Variants in TRAF1 observed in about 807,000 individuals in gnomAD.
TRAF1 encodes TNF receptor-associated factor 1.
TRAF1 carries 23 observed loss-of-function variants against 40.9 expected under a neutral mutation model. The ratio of observed to expected loss-of-function variants is 0.56; its 90% CI spans 0.40 to 0.80. The LOEUF is 0.80. Ranked by LOEUF, TRAF1 falls within the 30% of genes least tolerant of loss-of-function variation. The pLI is 0.00. For missense variants in TRAF1, 477 were observed against 528.7 expected, an observed-to-expected ratio of 0.90 and a Z score of 0.96; for synonymous variants, 206 against 218.8, an observed-to-expected ratio of 0.94 and a Z score of 0.52.
chr9:120,920,045 G>A (rs2046594772), intron 3 of TRAF1, among the ~76,000 whole-genome samples: 1 of 152,170 alleles, frequency 6.6e-6, no homozygotes, highest in Admixed American at 6.5e-5. Context: ...CACAGGATCG[G>A]GGCGATTACA....
chr9:120,915,780 G>C (rs909012567), intron 3 of TRAF1, among the ~76,000 whole-genome samples: 1 of 152,064 alleles, frequency 6.6e-6, no homozygotes, highest in Non-Finnish European at 1.5e-5. Context: ...GCTGCACTGA[G>C]CTATGATCAC....
Position 120,926,125 on chromosome 9 carries a change from G to C in TRAF1, c.-50C>G. The C allele has an allele frequency of 6.7e-7, 1 of 1,495,512 alleles. No homozygotes were observed. Among genetic ancestry groups the C allele is most frequent in the Non-Finnish European group, 8.9e-7 (1 of 1,124,540 alleles). 92.6% of individuals were successfully genotyped at this position (1,495,512 alleles called of 1,614,324 possible). A position where few individuals can be genotyped will look rare whatever the true frequency, so the allele number is the denominator to read the frequency against. On this transcript the variant is annotated 5_prime_UTR_variant, in exon 2 of 8. Transcript: ENST00000373887. ...GGCCTGTTTAAGTTGCTCCAGGGCA[G>C]GGGACCAGCCTTGTGGAGTCCTGGC...
chr9:120,920,602 C>T (rs146191407), intron 3 of TRAF1, among the ~76,000 whole-genome samples: 8 of 152,312 alleles, frequency 5.3e-5, no homozygotes, highest in South Asian at 4.1e-4. Flanking sequence ...CCCTGGCATC[C>T]CCTCCTTCAC....
In TRAF1 at chr9:120,925,883, G is replaced by T. The variant is rs1204834929; in HGVS notation, c.140+53C>A. 7.5e-6 allele frequency: 12 copies of T among 1,610,416 alleles called. No homozygotes were observed. The African/African-American group carries it at 1.1e-4, about 14-fold the overall frequency. On this transcript the variant is annotated intron_variant, in intron 2 of 7. Coordinates refer to ENST00000373887, the MANE Select transcript of TRAF1 (RefSeq NM_005658.5). ...CTCTGCCCCTCACCTCCCATCAGGG[G>T]TCCCTCCCTGGCACCCACTTTCTGC... is the stretch of plus-strand genomic sequence containing the variant.
In TRAF1 at chr9:120,913,506, A is replaced by G; in HGVS notation, c.527T>C (p.Leu176Pro). 6.2e-7 allele frequency: 1 copy of G among 1,613,998 alleles called. No individual in the cohort carries two copies. Among genetic ancestry groups the G allele is most frequent in the Non-Finnish European group, 8.5e-7 (1 of 1,179,996 alleles). ...RAPCSESQEELALQHFMKEKL... is the reference protein window; with the variant it reads ...RAPCSESQEEPALQHFMKEKL... ...CTCCTTCATGAAGTGCTGCAGGGCC[A>G]GCTCCTCCTGGCTCTCGGAGCAGGG... Residue 176 changes from leucine (L) to proline (P), a missense_variant, in exon 5 of 8, where the codon CTG (leucine) becomes CCG (proline). Coordinates refer to ENST00000373887, the MANE Select transcript of TRAF1 (RefSeq NM_005658.5).
At position 120,904,142 on chromosome 9, in the gene TRAF1, T is replaced by G. The variant is rs2046461256; in HGVS notation, c.*878A>C. 2.0e-5 allele frequency: 3 copies of G among 152,210 alleles called. No homozygotes were observed. Among genetic ancestry groups the G allele is most frequent in the African/African-American group, 7.2e-5 (3 of 41,436 alleles). 9.4% of individuals were successfully genotyped at this position (152,210 alleles called of 1,614,324 possible). On this transcript the variant is annotated 3_prime_UTR_variant, in exon 8 of 8. Transcript: ENST00000373887. ...GGAAAGTTTATGCCCCTCTTCTTCT[T>G]GAGGTGCCTCTGGCTGCACCTGGGA...
intron 3 of TRAF1, among the ~76,000 whole-genome samples, chr9:120,916,979 G>A (rs540782118): frequency 2.4e-4 from 37 of 152,252 alleles, no homozygotes; most frequent in African/African-American, 8.9e-4. Context: ...TGGTTCTAAG[G>A]GTCAAAGCTT....
At chr9:120,908,565 C>T (rs2046500782) in intron 7 of TRAF1, among the ~76,000 whole-genome samples, 1 of 149,790 alleles carries the variant, frequency 6.7e-6, no homozygotes, top group African/African-American at 2.4e-5. Flanking sequence ...TTCCCACATT[C>T]TTTTTTTTTT....
At chr9:120,925,826 G>A (rs1364132992) in intron 2 of TRAF1, 110 bp downstream of exon 2, 9 of 1,496,220 alleles carry the variant, frequency 6.0e-6, no homozygotes, top group South Asian at 1.2e-5. Flanking sequence ...GAGGCCCAGA[G>A]AAGAAAAGTC....
chr9:120,919,677 G>GCCGGTTTA (rs1254584261), intron 3 of TRAF1, among the ~76,000 whole-genome samples: 2 of 152,126 alleles, frequency 1.3e-5, no homozygotes, highest in African/African-American at 4.8e-5. Context: ...CTGTAACTGG[G>GCCGGTTTA]CCGGTTTACT....
intron 6 of TRAF1, among the ~76,000 whole-genome samples, chr9:120,910,814 C>T (rs1400962784): frequency 3.9e-5 from 6 of 152,206 alleles, no homozygotes; most frequent in Non-Finnish European, 8.8e-5. Context: ...GCCCAGGGGC[C>T]CCAGAAATGA....
chr9:120,905,065 C>A lies in TRAF1; in HGVS notation c.1206G>T (p.Lys402Asn). 1 of 1,614,244 alleles carries A rather than the reference C, an allele frequency of 6.2e-7. No individual in the cohort carries two copies. Among genetic ancestry groups the A allele is most frequent in the Non-Finnish European group, 8.5e-7 (1 of 1,180,046 alleles). The change falls in exon 8 of 8, where the codon AAG (lysine) becomes AAT (asparagine). Residue 402 changes from lysine (K) to asparagine (N), a missense_variant. Transcript: ENST00000373887. ...TGCACTTGAGGAACATTGTGTCGTCCTTCACGTAGGCGTGCTTGGGTGACT... is the reference window on the plus strand; with the variant it reads ...TGCACTTGAGGAACATTGTGTCGTCATTCACGTAGGCGTGCTTGGGTGACT... ...KLQSPKHAYVKDDTMFLKCIV... is the reference protein window; with the variant it reads ...KLQSPKHAYVNDDTMFLKCIV...
intron 6 of TRAF1, among the ~76,000 whole-genome samples, chr9:120,910,795 T>C (rs920818747): frequency 6.6e-6 from 1 of 152,230 alleles, no homozygotes; most frequent in Non-Finnish European, 1.5e-5. Context: ...ATGCAAGACA[T>C]TGTGCCAAGC....
At chr9:120,928,190 G>T (rs1255381108), upstream of TRAF1, 1 of 152,174 alleles carries the variant, frequency 6.6e-6, no homozygotes, top group Non-Finnish European at 1.5e-5. Context: ...CTTGTTCAAG[G>T]TCTCACAGCT....
chr9:120,904,820 C>T lies in TRAF1; in HGVS notation c.*200G>A. The T allele has an allele frequency of 1.6e-6, 1 of 615,274 alleles. No individual in the cohort carries two copies. The highest frequency in any genetic ancestry group is 2.8e-5 in the East Asian group (1 of 36,008). The allele number at this position is 615,274 out of a possible 1,614,324, so 38.1% of individuals were successfully genotyped here. On this transcript the variant is annotated 3_prime_UTR_variant, in exon 8 of 8. Coordinates refer to ENST00000373887, the MANE Select transcript of TRAF1 (RefSeq NM_005658.5). ...CAGCTCTGCCTGTCTCCTTCTGGAC[C>T]CTTTGCCTTTGTGGGCCCAGCCCAC... is the stretch of plus-strand genomic sequence containing the variant.
At chr9:120,916,372 G>A (rs1364115195) in intron 3 of TRAF1, among the ~76,000 whole-genome samples, 1 of 152,172 alleles carries the variant, frequency 6.6e-6, no homozygotes, top group African/African-American at 2.4e-5. Flanking sequence ...GACTGTAGTG[G>A]CGGTTACATG....
At chr9:120,909,455 T>C in intron 6 of TRAF1, 77 bp from the exon 7 acceptor site, 2 of 1,554,678 alleles carry the variant, frequency 1.3e-6, no homozygotes, top group Middle Eastern at 1.8e-4. Context: ...TGGTCAGGCA[T>C]GCCCAAGGTC....
At chr9:120,905,798 A>G (rs1330699982) in intron 7 of TRAF1, among the ~76,000 whole-genome samples, 1 of 152,208 alleles carries the variant, frequency 6.6e-6, no homozygotes. Context: ...TAAAAGTGAC[A>G]CAAACCCTCT....
chr9:120,912,646 A>G (rs2046536521), intron 5 of TRAF1, among the ~76,000 whole-genome samples: 1 of 150,550 alleles, frequency 6.6e-6, no homozygotes, highest in Non-Finnish European at 1.5e-5. Flanking sequence ...ACAGAGCAAT[A>G]CTCTGTCTCA....
Sources: gnomAD v4.1 joint callset for allele counts (sites outside exome capture counted in the v4.1 genomes callset) on GRCh38, gnomAD v4.1.1 for gene constraint, MANE v1.5 for transcripts, NCBI Gene and HGNC (gene_info 2026-07-23, HGNC 2026-07-21) for gene names.